ROBO2: variants seen among roughly 807,000 people sequenced by gnomAD.
ROBO2 encodes roundabout homolog 2.
In ROBO2, 53 loss-of-function variants were observed where a neutral mutation model predicts 160.8. The ratio of observed to expected loss-of-function variants is 0.33; its 90% CI spans 0.26 to 0.41. ROBO2 has a LOEUF of 0.41. Ranked by LOEUF, ROBO2 falls within the 10% of genes least tolerant of loss-of-function variation. The probability of loss-of-function intolerance (pLI) is 1.00; values close to 1 mark genes in which losing one functional copy is unlikely to be tolerated. For missense variants in ROBO2, 1,577 were observed against 1,722.4 expected, an observed-to-expected ratio of 0.92 and a Z score of 1.49; for synonymous variants, 664 against 611.7, an observed-to-expected ratio of 1.09 and a Z score of -1.26.
intron 2 of ROBO2, among the ~76,000 whole-genome samples, chr3:76,974,485 G>A (rs2059718498): frequency 1.3e-5 from 2 of 152,202 alleles, no homozygotes; most frequent in African/African-American, 2.4e-5. Context: ...AAAGCAACTC[G>A]GCCAAGGTCA....
chr3:77,323,403 A>G (rs2153434025), intron 2 of ROBO2, among the ~76,000 whole-genome samples: 1 of 152,200 alleles, frequency 6.6e-6, no homozygotes, highest in Admixed American at 6.5e-5. Flanking sequence ...AGATGAGATC[A>G]AGTTTATAAT....
At chr3:76,217,686 A>T (rs1703650687) in intron 2 of ROBO2, among the ~76,000 whole-genome samples, 1 of 152,204 alleles carries the variant, frequency 6.6e-6, no homozygotes, top group South Asian at 2.1e-4. Flanking sequence ...TTACCAACCA[A>T]AAAAATCCAG....
Position 77,337,428 on chromosome 3 carries a change from T to A in ROBO2, c.389-139986T>A, listed in dbSNP as rs1019951859. The stretch of plus-strand genomic sequence containing the variant: ...TATGACCAAAAAAGAAAATGGAGAG[T>A]TTATTTTCTTAAAGGCTGCTCAAGT... On this transcript the variant is annotated intron_variant, in intron 2 of 25. Transcript: ENST00000461745. Among the ~76,000 whole-genome samples, 4 of 152,142 alleles carry A rather than the reference T, an allele frequency of 2.6e-5. No individual in the cohort carries two copies. The South Asian group carries it at 8.3e-4, about 32-fold the overall frequency.
chr3:77,112,524 G>A (rs1261207963), intron 2 of ROBO2, among the ~76,000 whole-genome samples: 1 of 151,964 alleles, frequency 6.6e-6, no homozygotes, highest in Non-Finnish European at 1.5e-5. Context: ...GATTACAGGC[G>A]TGAGCCACCG....
At chr3:77,631,345 C>T (rs967631452) in intron 23 of ROBO2, 1 of 152,136 alleles carries the variant, frequency 6.6e-6, no homozygotes, top group African/African-American at 2.4e-5. Flanking sequence ...ACACTCCTAA[C>T]TATTCTGTTG....
chr3:77,283,736 A>C (rs1028949406), intron 2 of ROBO2, among the ~76,000 whole-genome samples: 2 of 152,148 alleles, frequency 1.3e-5, no homozygotes, highest in African/African-American at 4.8e-5. Flanking sequence ...GTCCATATGG[A>C]AAATGAGATT....
Position 77,644,686 on chromosome 3 carries a change from G to GT in ROBO2, c.3935-10dup, listed in dbSNP as rs756618857. ...TGTTTCTGTTCAATTTAGCCTTTGG[G>GT]TTTTTTTTCTTTTTCAGAGGAGGCC... On this transcript the variant is annotated splice_polypyrimidine_tract_variant and intron_variant, in intron 24 of 25. Coordinates refer to ENST00000461745, the Ensembl canonical transcript of ROBO2. 3.0e-5 allele frequency: 48 copies of GT among 1,611,864 alleles called. No homozygotes were observed. The highest frequency in any genetic ancestry group is 1.8e-4 in the East Asian group (8 of 44,854).
intron 2 of ROBO2, among the ~76,000 whole-genome samples, chr3:76,851,777 G>T (rs904446310): frequency 1.3e-5 from 2 of 148,862 alleles, no homozygotes; most frequent in South Asian, 2.2e-4. Flanking sequence ...ATTAACATGT[G>T]CTTGAATATA....
intron 2 of ROBO2, among the ~76,000 whole-genome samples, chr3:76,268,917 C>T (rs1351981841): frequency 6.6e-6 from 1 of 151,998 alleles, no homozygotes; most frequent in African/African-American, 2.4e-5. Flanking sequence ...ACTCTTACTC[C>T]CACACACTAT....
At chr3:76,416,320 C>T (rs1033751152) in intron 2 of ROBO2, among the ~76,000 whole-genome samples, 1 of 152,032 alleles carries the variant, frequency 6.6e-6, no homozygotes. Flanking sequence ...ACAGTCTTTT[C>T]AATTCCATCT....
At chr3:77,323,312 C>T (rs2065013509) in intron 2 of ROBO2, among the ~76,000 whole-genome samples, 1 of 151,658 alleles carries the variant, frequency 6.6e-6, no homozygotes, top group Non-Finnish European at 1.5e-5. Context: ...TTTGGCAATA[C>T]TCACCTGCTG....
At chr3:76,642,789 G>T (rs1448651757) in intron 2 of ROBO2, among the ~76,000 whole-genome samples, 4 of 152,062 alleles carry the variant, frequency 2.6e-5, no homozygotes, top group African/African-American at 9.7e-5. Flanking sequence ...TGCAGCAATT[G>T]TCCACCAAAT....
At chr3:76,144,460 A>G in intron 2 of ROBO2, among the ~76,000 whole-genome samples, 1 of 152,042 alleles carries the variant, frequency 6.6e-6, no homozygotes, top group East Asian at 1.9e-4. Context: ...CTTATCACTA[A>G]GCCCTTGAGC....
chr3:77,217,333 G>A (rs994975161), intron 2 of ROBO2, among the ~76,000 whole-genome samples: 9 of 152,034 alleles, frequency 5.9e-5, no homozygotes, highest in Admixed American at 4.6e-4. Context: ...AGTAGAGATG[G>A]GGTTTCACCA....
chr3:77,170,795 A>G (rs2150739739), intron 2 of ROBO2, among the ~76,000 whole-genome samples: 1 of 152,284 alleles, frequency 6.6e-6, no homozygotes, highest in African/African-American at 2.4e-5. Flanking sequence ...AAAATAAAAT[A>G]ATCGACCCAT....
intron 11 of ROBO2, among the ~76,000 whole-genome samples, chr3:77,563,946 A>G (rs2093408022): frequency 6.6e-6 from 1 of 152,130 alleles, no homozygotes; most frequent in Admixed American, 6.6e-5. Context: ...TATCAGTATA[A>G]AATTGTCCTA....
At chr3:77,200,973 T>C (rs2082857161) in intron 2 of ROBO2, among the ~76,000 whole-genome samples, 1 of 152,206 alleles carries the variant, frequency 6.6e-6, no homozygotes, top group African/African-American at 2.4e-5. Context: ...ATAATTCGAA[T>C]GCAATTATTA....
At chr3:77,182,144 T>C (rs2080849599) in intron 2 of ROBO2, among the ~76,000 whole-genome samples, 1 of 152,162 alleles carries the variant, frequency 6.6e-6, no homozygotes, top group Non-Finnish European at 1.5e-5. Flanking sequence ...TTTGTAACCA[T>C]GATTAACAAG....
intron 2 of ROBO2, among the ~76,000 whole-genome samples, chr3:76,654,316 A>G (rs892970458): frequency 1.2e-4 from 19 of 152,204 alleles, no homozygotes; most frequent in African/African-American, 4.3e-4. Flanking sequence ...TTGGCAGAGT[A>G]TAAAAGAAGT....
Sources: gnomAD v4.1 joint callset for allele counts (sites outside exome capture counted in the v4.1 genomes callset) on GRCh38, gnomAD v4.1.1 for gene constraint, MANE v1.5 for transcripts, NCBI Gene and HGNC (gene_info 2026-07-23, HGNC 2026-07-21) for gene names.